Variants in PTPRT observed in about 807,000 individuals in gnomAD.
PTPRT encodes receptor-type tyrosine-protein phosphatase T.
Under a neutral mutation model 176.8 loss-of-function variants are expected in PTPRT, and 56 were observed. That is an observed-to-expected ratio of 0.32 (90% CI 0.26 to 0.40). The LOEUF (loss-of-function observed/expected upper bound fraction) is 0.40. Among genes scored for constraint, PTPRT ranks in the 10% least tolerant of loss-of-function variants. The pLI is 1.00. For synonymous variants in PTPRT, 783 were observed against 739.0 expected (o/e 1.06, Z -0.96); for missense variants, 1,540 against 1,908.2 (o/e 0.81, Z 3.60).
chr20:42,043,158 A>G, the PTPRT span, among the ~76,000 whole-genome samples: 2 of 152,242 alleles, frequency 1.3e-5, no homozygotes, highest in South Asian at 4.1e-4. Flanking sequence ...GGGAATGTAC[A>G]AAACATATAT....
intron 7 of PTPRT, among the ~76,000 whole-genome samples, chr20:42,511,227 T>A (rs1366094671): frequency 6.6e-6 from 1 of 152,190 alleles, no homozygotes; most frequent in African/African-American, 2.4e-5. Flanking sequence ...AAATCAATTT[T>A]GTTTCTTTAT....
At chr20:42,532,011 C>T (rs1343244062) in intron 7 of PTPRT, among the ~76,000 whole-genome samples, 1 of 152,166 alleles carries the variant, frequency 6.6e-6, no homozygotes, top group East Asian at 1.9e-4. Flanking sequence ...AACAATGTCA[C>T]TGTAGTGTAG....
At chr20:42,815,661 C>T (rs549769764) in intron 2 of PTPRT, among the ~76,000 whole-genome samples, 4 of 152,192 alleles carry the variant, frequency 2.6e-5, no homozygotes, top group African/African-American at 9.6e-5. Context: ...TGATATTTGT[C>T]TTCTAGGGCC....
At chr20:43,130,118 T>C (rs998472750) in intron 1 of PTPRT, among the ~76,000 whole-genome samples, 5 of 152,218 alleles carry the variant, frequency 3.3e-5, no homozygotes, top group African/African-American at 9.6e-5. Flanking sequence ...TGGATTCCCA[T>C]TGATAGTCTT....
intron 7 of PTPRT, among the ~76,000 whole-genome samples, chr20:42,611,139 C>T (rs184202353): frequency 6.6e-6 from 1 of 152,304 alleles, no homozygotes; most frequent in East Asian, 1.9e-4. Flanking sequence ...CATTCATGTA[C>T]AAGGTTTCCT....
intron 1 of PTPRT, among the ~76,000 whole-genome samples, chr20:43,004,100 G>A (rs937826687): frequency 1.8e-4 from 28 of 151,586 alleles, no homozygotes; most frequent in Middle Eastern, 3.4e-3. Flanking sequence ...TAAATTCAGT[G>A]GTTGAAATAC....
At chr20:42,182,788 C>T (rs981333263) in intron 16 of PTPRT, among the ~76,000 whole-genome samples, 1 of 152,076 alleles carries the variant, frequency 6.6e-6, no homozygotes, top group African/African-American at 2.4e-5. Context: ...TCAATACACT[C>T]GGCTTAAAAA....
At chr20:42,051,552 G>A in the PTPRT span, among the ~76,000 whole-genome samples, 1 of 152,200 alleles carries the variant, frequency 6.6e-6, no homozygotes, top group East Asian at 1.9e-4. Flanking sequence ...CCCCCAGTGA[G>A]GGTGAACTGA....
intron 15 of PTPRT, among the ~76,000 whole-genome samples, chr20:42,216,248 T>C (rs1183816377): frequency 6.6e-6 from 1 of 151,600 alleles, no homozygotes; most frequent in African/African-American, 2.4e-5. Context: ...AGAAACATCA[T>C]CTCCTTCTTG....
rs565702220 is a variant in PTPRT, at chr20:43,109,899, T to C, written c.88+79747A>G. Among the ~76,000 whole-genome samples, 159 of 151,740 alleles carry C rather than the reference T, an allele frequency of 1.0e-3. 1 individual carries two copies. Among genetic ancestry groups the C allele is most frequent in the African/African-American group, 3.1e-3 (128 of 41,392 alleles). On this transcript the variant is annotated intron_variant, in intron 1 of 30. Transcript: ENST00000373187. ...TTTTAGGGGGACCAGTGTAATAGAG[T>C]GGGGAGAGACAGGAGGGAGATGAGT...
In PTPRT at chr20:42,352,122, C is replaced by G. The variant is rs2145522851; in HGVS notation, c.1724G>C (p.Gly575Ala). Residue 575 changes from glycine to alanine, a missense_variant, in exon 10 of 31, where the codon GGG becomes GCG. Gly to Ala is a moderately conservative substitution (Grantham distance 60). Coordinates refer to ENST00000373187, the MANE Select transcript of PTPRT (RefSeq NM_007050.6). ...TIKASTAKGF[G>A]PPVTTRIATK... is the part of the protein sequence containing the mutation. ...GGCAATCCGAGTGGTGACAGGGGGC[C>G]CAAAGCCCTTTGCTGTGCTGGCCTT... The G allele has an allele frequency of 1.2e-6, 2 of 1,614,066 alleles. No homozygotes were observed. The highest frequency in any genetic ancestry group is 1.7e-6 in the Non-Finnish European group (2 of 1,179,972).
intron 19 of PTPRT, among the ~76,000 whole-genome samples, chr20:42,128,170 C>G (rs1003984634): frequency 2.0e-5 from 3 of 152,194 alleles, no homozygotes; most frequent in Non-Finnish European, 4.4e-5. Context: ...CCTCTCCCCT[C>G]TCTTTGATTT....
chr20:42,127,417 T>A (rs546770702), intron 19 of PTPRT, among the ~76,000 whole-genome samples: 43 of 150,998 alleles, frequency 2.8e-4, no homozygotes, highest in African/African-American at 9.0e-4. Context: ...TCTCTCTCTC[T>A]CACACACACA....
At chr20:42,809,615 TG>T (rs1569168542) in intron 2 of PTPRT, among the ~76,000 whole-genome samples, 1 of 152,140 alleles carries the variant, frequency 6.6e-6, no homozygotes, top group Non-Finnish European at 1.5e-5. Context: ...GGCAGGGCCG[TG>T]GGGGAAGTCT....
intron 7 of PTPRT, among the ~76,000 whole-genome samples, chr20:42,520,804 T>C (rs1017440684): frequency 6.9e-6 from 1 of 144,588 alleles, no homozygotes; most frequent in Non-Finnish European, 1.5e-5. Flanking sequence ...TGGAAAGACA[T>C]ATATATATAT....
At chr20:42,910,540 C>T (rs1420424826) in intron 1 of PTPRT, among the ~76,000 whole-genome samples, 2 of 152,186 alleles carry the variant, frequency 1.3e-5, no homozygotes, top group East Asian at 1.9e-4. Context: ...TTCCACTGGA[C>T]TTCCCCCAAG....
intron 7 of PTPRT, among the ~76,000 whole-genome samples, chr20:42,644,038 T>G (rs186303141): frequency 6.6e-6 from 1 of 152,058 alleles, no homozygotes; most frequent in Non-Finnish European, 1.5e-5. Context: ...GCTCTTAAAA[T>G]CCAGGCTGTG....
chr20:42,303,686 G>A (rs1354794802), intron 12 of PTPRT, among the ~76,000 whole-genome samples: 1 of 152,160 alleles, frequency 6.6e-6, no homozygotes, highest in Admixed American at 6.5e-5. Context: ...TTTGAGACAA[G>A]CAATCGTGGA....
At chr20:42,049,216 A>T in the PTPRT span, among the ~76,000 whole-genome samples, 1 of 152,250 alleles carries the variant, frequency 6.6e-6, no homozygotes, top group African/African-American at 2.4e-5. Flanking sequence ...CAAATGTGAG[A>T]CAATGACGTC....
Sources: gnomAD v4.1 joint callset for allele counts (sites outside exome capture counted in the v4.1 genomes callset) on GRCh38, gnomAD v4.1.1 for gene constraint, MANE v1.5 for transcripts, NCBI Gene and HGNC (gene_info 2026-07-23, HGNC 2026-07-21) for gene names.